CENPP: variants seen among roughly 807,000 people sequenced by gnomAD.
CENPP encodes centromere protein P.
CENPP carries 24 observed loss-of-function variants against 35.6 expected under a neutral mutation model. That is an observed-to-expected ratio of 0.67 (90% CI 0.49 to 0.95). The LOEUF (loss-of-function observed/expected upper bound fraction) is 0.95, where lower values mean the gene tolerates loss of function less well. Ranked by LOEUF, CENPP falls within the 40% of genes least tolerant of loss-of-function variation. The pLI is 0.00. For missense variants in CENPP, 332 were observed against 345.3 expected (o/e 0.96, Z 0.31); for synonymous variants, 120 against 125.5 (o/e 0.96, Z 0.29).
At chr9:92,451,396 C>G (rs1229395358) in intron 5 of CENPP, among the ~76,000 whole-genome samples, 1 of 144,492 alleles carries the variant, frequency 6.9e-6, no homozygotes, top group East Asian at 2.0e-4. Flanking sequence ...TGTCAAAGAT[C>G]AGATAGTTGT....
chr9:92,487,465 T>A (rs569010346), intron 5 of CENPP, among the ~76,000 whole-genome samples: 60 of 152,352 alleles, frequency 3.9e-4, no homozygotes, highest in African/African-American at 1.4e-3. Flanking sequence ...AAATCCTTTT[T>A]ATAATAACAG....
chr9:92,511,316 G>A (rs1052854197), intron 5 of CENPP, among the ~76,000 whole-genome samples: 4 of 151,968 alleles, frequency 2.6e-5, no homozygotes, highest in South Asian at 2.1e-4. Flanking sequence ...TAGTAGAGAC[G>A]GGGTTTCACC....
chr9:92,416,649 G>A (rs1843621357), intron 5 of CENPP: 1 of 1,597,658 alleles, frequency 6.3e-7, no homozygotes, highest in Non-Finnish European at 8.5e-7. Context: ...AGGTATAGGT[G>A]TTCCAAATTT....
intron 5 of CENPP, chr9:92,495,474 A>G (rs1846302707): frequency 1.0e-6 from 1 of 984,640 alleles, no homozygotes; most frequent in Non-Finnish European, 1.2e-6. Context: ...AAAAATTTAT[A>G]CATTAGATTT....
At chr9:92,436,899 T>C (rs1389696534) in intron 5 of CENPP, among the ~76,000 whole-genome samples, 2 of 152,178 alleles carry the variant, frequency 1.3e-5, no homozygotes, top group Non-Finnish European at 1.5e-5. Flanking sequence ...AATGATCTTG[T>C]CTGTATCTGT....
In CENPP at chr9:92,403,193, G is replaced by T. The variant is rs753254484; in HGVS notation, c.564+23334G>T. ...AAAGCAAAAACATGCATTTAAATGG[G>T]CAGTATTTTAGAAGCTAAATTTAGA... On this transcript the variant is annotated intron_variant, in intron 5 of 7. Transcript: ENST00000375587. 21 of 1,337,058 alleles carry T rather than the reference G, an allele frequency of 1.6e-5. No homozygotes were observed. In the South Asian group the frequency reaches 2.9e-4, roughly 18 times the overall value. 82.8% of individuals were successfully genotyped at this position (1,337,058 alleles called of 1,614,324 possible).
intron 5 of CENPP, among the ~76,000 whole-genome samples, chr9:92,513,014 C>T (rs1424241211): frequency 6.6e-6 from 1 of 152,204 alleles, no homozygotes; most frequent in African/African-American, 2.4e-5. Flanking sequence ...ATGTTTGACA[C>T]TGGCAGTGTG....
chr9:92,395,382 G>A (rs1226605591), intron 5 of CENPP, among the ~76,000 whole-genome samples: 1 of 152,014 alleles, frequency 6.6e-6, no homozygotes, highest in East Asian at 1.9e-4. Flanking sequence ...TTATTACTCA[G>A]TAGTATTCAA....
intron 5 of CENPP, among the ~76,000 whole-genome samples, chr9:92,538,192 T>C (rs1401301788): frequency 6.6e-6 from 1 of 152,144 alleles, no homozygotes; most frequent in Non-Finnish European, 1.5e-5. Flanking sequence ...CAGTTGTGTA[T>C]AGATAGAGAA....
At chr9:92,467,649 T>TA (rs1249814849) in intron 5 of CENPP, among the ~76,000 whole-genome samples, 2 of 152,214 alleles carry the variant, frequency 1.3e-5, no homozygotes, top group East Asian at 3.8e-4. Context: ...GCCTCACTGG[T>TA]ATTACTCATA....
At chr9:92,379,683 T>C (rs1331834172) in intron 4 of CENPP, 80 bp from the exon 5 acceptor site, 8 of 1,124,444 alleles carry the variant, frequency 7.1e-6, no homozygotes, top group Non-Finnish European at 1.1e-5. Context: ...GTAGGATACA[T>C]GAAAAGGAAA....
chr9:92,372,512 T>C (rs538335013), intron 4 of CENPP, among the ~76,000 whole-genome samples: 1 of 152,336 alleles, frequency 6.6e-6, no homozygotes, highest in African/African-American at 2.4e-5. Context: ...TCTTGCTTTG[T>C]ATGTTTTCTT....
intron 5 of CENPP, among the ~76,000 whole-genome samples, chr9:92,559,010 G>A (rs555638783): frequency 1.3e-5 from 2 of 152,174 alleles, no homozygotes; most frequent in African/African-American, 4.8e-5. Context: ...CTGTTTCCAA[G>A]CAGAGGGCAA....
chr9:92,430,366 T>G (rs1844074802), intron 5 of CENPP, among the ~76,000 whole-genome samples: 1 of 152,210 alleles, frequency 6.6e-6, no homozygotes, highest in Non-Finnish European at 1.5e-5. Flanking sequence ...TAATTTGCTT[T>G]TGATGGTTTT....
intron 5 of CENPP, among the ~76,000 whole-genome samples, chr9:92,564,625 T>C (rs1409476637): frequency 6.6e-6 from 1 of 152,116 alleles, no homozygotes; most frequent in Non-Finnish European, 1.5e-5. Context: ...TGGAGAAAGA[T>C]AATATAATCC....
rs1842415904 is a variant in CENPP, at chr9:92,386,241, G to A, written c.564+6382G>A. ...ACGTAGACTTTCTGGTAAATTAAGA[G>A]GCACGGATTCCAGGGCATTATGGTC... On this transcript the variant is annotated intron_variant, in intron 5 of 7. Transcript: ENST00000375587. The A allele has an allele frequency of 6.2e-7, 1 of 1,613,588 alleles. No individual in the cohort carries two copies. Among genetic ancestry groups the A allele is most frequent in the Non-Finnish European group, 8.5e-7 (1 of 1,179,610 alleles).
chr9:92,468,137 C>G (rs1038009881), intron 5 of CENPP, among the ~76,000 whole-genome samples: 2 of 152,170 alleles, frequency 1.3e-5, no homozygotes, highest in African/African-American at 4.8e-5. Context: ...TGAACCTGTG[C>G]GTCAGTGAGA....
rs1281179744 is a variant in CENPP, at chr9:92,595,767, G to A, written c.565-15547G>A. On this transcript the variant is annotated intron_variant, in intron 5 of 7. Coordinates refer to ENST00000375587, the MANE Select transcript of CENPP (RefSeq NM_001012267.3). ...AGTAGAGACAGGGTTTCACCATGTT[G>A]GCCAGGCTGGTCTCAAACTCCTGAC... Among the ~76,000 whole-genome samples, 7 of 152,018 alleles carry A rather than the reference G, an allele frequency of 4.6e-5. No individual in the cohort carries two copies. The East Asian group carries it at 1.4e-3, about 30-fold the overall frequency.
At chr9:92,570,903 T>C (rs1056844696) in intron 5 of CENPP, among the ~76,000 whole-genome samples, 2 of 152,250 alleles carry the variant, frequency 1.3e-5, no homozygotes, top group Non-Finnish European at 2.9e-5. Flanking sequence ...TAGTTTGTAT[T>C]TCTGTGGGAT....
Sources: gnomAD v4.1 joint callset for allele counts (sites outside exome capture counted in the v4.1 genomes callset) on GRCh38, gnomAD v4.1.1 for gene constraint, MANE v1.5 for transcripts, NCBI Gene and HGNC (gene_info 2026-07-23, HGNC 2026-07-21) for gene names.